ZDHHC14: variants seen among roughly 807,000 people sequenced by gnomAD.
ZDHHC14 encodes zDHHC palmitoyltransferase 14.
In ZDHHC14, 16 loss-of-function variants were observed where a neutral mutation model predicts 47.7. The observed-to-expected ratio is 0.34, with a 90% CI of 0.23 to 0.51. ZDHHC14 has a LOEUF of 0.51. ZDHHC14 is among the 20% of genes least tolerant of loss of function. ZDHHC14 has a pLI of 0.97. For missense variants in ZDHHC14, 515 were observed against 662.5 expected (o/e 0.78, Z 2.44); for synonymous variants, 293 against 278.9 (o/e 1.05, Z -0.50).
chr6:157,616,920 C>G (rs555545790), intron 3 of ZDHHC14, among the ~76,000 whole-genome samples: 2 of 152,204 alleles, frequency 1.3e-5, no homozygotes, highest in Admixed American at 1.3e-4. Flanking sequence ...AGTGCTGGAC[C>G]CTGGGGTTCC....
At chr6:157,599,144 A>G (rs904568651) in intron 3 of ZDHHC14, among the ~76,000 whole-genome samples, 6 of 152,350 alleles carry the variant, frequency 3.9e-5, no homozygotes, top group Non-Finnish European at 7.3e-5. Flanking sequence ...TCAGAATTCT[A>G]CATTTTAAAC....
At chr6:157,534,849 C>T (rs1358087801) in intron 1 of ZDHHC14, among the ~76,000 whole-genome samples, 1 of 152,124 alleles carries the variant, frequency 6.6e-6, no homozygotes, top group Non-Finnish European at 1.5e-5. Flanking sequence ...CCTCAGCCTC[C>T]CAAAGTGTTG....
rs34011526 is a variant in ZDHHC14 at position 157,454,501 on chromosome 6, T to C, written c.245+72235T>C. Among the ~76,000 whole-genome samples, 247 of 90,654 alleles carry C rather than the reference T, an allele frequency of 2.7e-3. 1 individual carries two copies. The highest frequency in any genetic ancestry group is 8.9e-3 in the East Asian group (18 of 2,026). 59.5% of individuals were successfully genotyped at this position (90,654 alleles called of 152,430 possible). A position where few individuals can be genotyped will look rare whatever the true frequency, so the allele number is the denominator to read the frequency against. ...AATGCTTTTAATGCAGCTTCTTCTTTTTTTTTTTTTTTTTTGCCACGAGTC... is the reference window on the plus strand; with the variant it reads ...AATGCTTTTAATGCAGCTTCTTCTTCTTTTTTTTTTTTTTTGCCACGAGTC... On this transcript the variant is annotated intron_variant, in intron 1 of 8. Coordinates refer to ENST00000359775, the MANE Select transcript of ZDHHC14 (RefSeq NM_024630.3).
chr6:157,397,936 A>T (rs1346686529), intron 1 of ZDHHC14, among the ~76,000 whole-genome samples: 2 of 152,080 alleles, frequency 1.3e-5, no homozygotes, highest in African/African-American at 4.8e-5. Flanking sequence ...GGCTTTGGGG[A>T]GACAAACCCA....
chr6:157,483,316 G>T (rs932774208), intron 1 of ZDHHC14, among the ~76,000 whole-genome samples: 3 of 152,128 alleles, frequency 2.0e-5, no homozygotes, highest in African/African-American at 7.2e-5. Flanking sequence ...AATTCATGCT[G>T]GTCTTGTTTT....
chr6:157,593,530 G>A (rs946033493), intron 3 of ZDHHC14, among the ~76,000 whole-genome samples: 2 of 152,202 alleles, frequency 1.3e-5, no homozygotes, highest in African/African-American at 4.8e-5. Context: ...GGGGCTGGGG[G>A]CGTTTAATCC....
chr6:157,544,682 T>C (rs1250856440), intron 2 of ZDHHC14, among the ~76,000 whole-genome samples: 1 of 124,214 alleles, frequency 8.1e-6, no homozygotes, highest in Non-Finnish European at 1.7e-5. Flanking sequence ...AACCAAAAAA[T>C]AGAATAGTGA....
intron 5 of ZDHHC14, among the ~76,000 whole-genome samples, chr6:157,635,580 C>T (rs983200201): frequency 2.6e-5 from 4 of 152,254 alleles, no homozygotes; most frequent in Non-Finnish European, 5.9e-5. Context: ...CTCCAAAGCA[C>T]GGCTTCCAGG....
chr6:157,407,028 T>A (rs560386344), intron 1 of ZDHHC14, among the ~76,000 whole-genome samples: 75 of 152,360 alleles, frequency 4.9e-4, no homozygotes, highest in African/African-American at 1.7e-3. Flanking sequence ...GTGCCCTGGA[T>A]GTATAAAAGA....
chr6:157,544,023 A>G (rs1423326756), intron 2 of ZDHHC14, among the ~76,000 whole-genome samples: 2 of 152,210 alleles, frequency 1.3e-5, no homozygotes, highest in Non-Finnish European at 2.9e-5. Context: ...CATTTTACAG[A>G]TAAGGAAACA....
chr6:157,454,697 C>A (rs574781832), intron 1 of ZDHHC14, among the ~76,000 whole-genome samples: 9 of 152,138 alleles, frequency 5.9e-5, no homozygotes, highest in African/African-American at 2.2e-4. Flanking sequence ...TGAACTGACA[C>A]AATTTAAAGA....
intron 1 of ZDHHC14, among the ~76,000 whole-genome samples, chr6:157,421,089 C>T (rs1778091438): frequency 6.6e-6 from 1 of 151,906 alleles, no homozygotes; most frequent in Non-Finnish European, 1.5e-5. Flanking sequence ...CTCAGTGTTA[C>T]TAAAAAAGGG....
At position 157,544,964 on chromosome 6, in the gene ZDHHC14, G is replaced by C. The variant is rs182424866; in HGVS notation, c.406+2219G>C. ...AACCTAACAACCCAGATGTCCATCA[G>C]AGGATGAACTGATGATCCATATGTG... On this transcript the variant is annotated intron_variant, in intron 2 of 8. Transcript: ENST00000359775. 2.0e-3 allele frequency among the ~76,000 whole-genome samples: 312 copies of C among 152,334 alleles called. 1 individual carries two copies. Among genetic ancestry groups the C allele is most frequent in the African/African-American group, 6.8e-3 (281 of 41,570 alleles).
chr6:157,447,506 G>A (rs905724878), intron 1 of ZDHHC14, among the ~76,000 whole-genome samples: 1 of 152,226 alleles, frequency 6.6e-6, no homozygotes, highest in Non-Finnish European at 1.5e-5. Context: ...GTCGGGGACT[G>A]TATGGAAGGA....
chr6:157,474,005 T>C (rs1274125408), intron 1 of ZDHHC14, among the ~76,000 whole-genome samples: 2 of 150,758 alleles, frequency 1.3e-5, no homozygotes, highest in Non-Finnish European at 3.0e-5. Context: ...TTTTTTTTTT[T>C]TGAGACGGAG....
chr6:157,599,796 C>A (rs1784273914), intron 3 of ZDHHC14, among the ~76,000 whole-genome samples: 1 of 152,162 alleles, frequency 6.6e-6, no homozygotes. Flanking sequence ...GAACAACCAA[C>A]CAAGGCATTA....
intron 7 of ZDHHC14, among the ~76,000 whole-genome samples, chr6:157,648,343 G>A (rs768447085): frequency 1.3e-5 from 2 of 152,092 alleles, no homozygotes; most frequent in Non-Finnish European, 2.9e-5. Flanking sequence ...CAGACCCACT[G>A]TGCACCCAGA....
chr6:157,599,146 A>G (rs772728911), intron 3 of ZDHHC14, among the ~76,000 whole-genome samples: 1 of 152,236 alleles, frequency 6.6e-6, no homozygotes, highest in Non-Finnish European at 1.5e-5. Flanking sequence ...AGAATTCTAC[A>G]TTTTAAACAT....
At chr6:157,384,623 T>C (rs1178015058) in intron 1 of ZDHHC14, among the ~76,000 whole-genome samples, 1 of 152,250 alleles carries the variant, frequency 6.6e-6, no homozygotes, top group African/African-American at 2.4e-5. Context: ...CCCATCCTAG[T>C]ATGATGCCTC....
Sources: allele counts gnomAD v4.1 joint callset (sites outside exome capture counted in the v4.1 genomes callset), GRCh38; gene constraint gnomAD v4.1.1; transcripts MANE v1.5; gene names NCBI Gene and HGNC (gene_info 2026-07-23, HGNC 2026-07-21).